Variants in RAD51B observed in about 807,000 individuals in gnomAD.
RAD51B encodes RAD51 paralog B.
In RAD51B, 38 loss-of-function variants were observed where a neutral mutation model predicts 42.2. That is an observed-to-expected ratio of 0.90 (90% CI 0.70 to 1.18). RAD51B has a LOEUF of 1.18. Ranked by LOEUF, RAD51B falls within the 50% of genes most tolerant of loss-of-function variation. The pLI is 0.00. For missense variants in RAD51B, 373 were observed against 400.7 expected, an observed-to-expected ratio of 0.93 and a Z score of 0.59; for synonymous variants, 154 against 145.2, an observed-to-expected ratio of 1.06 and a Z score of -0.43.
intron 9 of RAD51B, among the ~76,000 whole-genome samples, chr14:68,437,315 G>A (rs1413802368): frequency 2.6e-5 from 4 of 152,092 alleles, no homozygotes; most frequent in Non-Finnish European, 5.9e-5. Flanking sequence ...CATAAATATC[G>A]ATTTGCATAT....
intron 7 of RAD51B, among the ~76,000 whole-genome samples, chr14:68,213,747 C>T (rs1221140659): frequency 1.3e-5 from 2 of 151,962 alleles, no homozygotes; most frequent in Non-Finnish European, 2.9e-5. Context: ...TTAAGGGGGT[C>T]CTTGACCATT....
chr14:68,648,147 A>G (rs1369999873), intron 10 of RAD51B, among the ~76,000 whole-genome samples: 3 of 83,158 alleles, frequency 3.6e-5, no homozygotes, highest in Non-Finnish European at 5.3e-5. Context: ...ATATATATAT[A>G]CACACACGTA....
At chr14:68,476,456 A>G (rs1164516606) in intron 10 of RAD51B, among the ~76,000 whole-genome samples, 2 of 152,256 alleles carry the variant, frequency 1.3e-5, no homozygotes, top group African/African-American at 4.8e-5. Context: ...TTGAGAGTCA[A>G]GAGTTCAGAT....
In RAD51B at chr14:67,960,806, C is replaced by A. The variant is rs920681973; in HGVS notation, c.756+73602C>A. ...ACCTCTGCCTCCCAAGTAGCTGGAA[C>A]AACAGGCACCTGCCTTTATGCCTGG... is the stretch of plus-strand genomic sequence containing the variant. On this transcript the variant is annotated intron_variant, in intron 7 of 10. Transcript: ENST00000471583. Among the ~76,000 whole-genome samples the A allele has an allele frequency of 3.3e-5, 5 of 151,974 alleles. No individual in the cohort carries two copies. In the East Asian group the frequency reaches 5.8e-4, roughly 18 times the overall value.
chr14:68,581,154 T>A (rs1002550949), intron 10 of RAD51B, among the ~76,000 whole-genome samples: 2 of 152,110 alleles, frequency 1.3e-5, no homozygotes, highest in African/African-American at 4.8e-5. Context: ...GCATTCAAAG[T>A]AAAGATGGTC....
At chr14:68,140,149 T>G (rs556612285) in intron 7 of RAD51B, among the ~76,000 whole-genome samples, 1 of 152,176 alleles carries the variant, frequency 6.6e-6, no homozygotes, top group South Asian at 2.1e-4. Flanking sequence ...GATAATCAGA[T>G]CAGTTTATAA....
chr14:68,374,887 A>C (rs2083334781), intron 8 of RAD51B, among the ~76,000 whole-genome samples: 1 of 151,592 alleles, frequency 6.6e-6, no homozygotes. Context: ...ATCTGAATGC[A>C]CAGTCCCATG....
intron 9 of RAD51B, among the ~76,000 whole-genome samples, chr14:68,412,461 A>G (rs2084445647): frequency 6.6e-6 from 1 of 152,216 alleles, no homozygotes; most frequent in African/African-American, 2.4e-5. Flanking sequence ...AAATGGCAGA[A>G]AAGCTGTTGT....
At chr14:68,319,422 T>C (rs759493180) in intron 8 of RAD51B, among the ~76,000 whole-genome samples, 13 of 152,218 alleles carry the variant, frequency 8.5e-5, no homozygotes, top group South Asian at 6.2e-4. Context: ...ATAAAAAAAC[T>C]GTCCAAGGAG....
chr14:68,159,979 A>C (rs897986870), intron 7 of RAD51B, among the ~76,000 whole-genome samples: 3 of 152,156 alleles, frequency 2.0e-5, no homozygotes, highest in African/African-American at 7.2e-5. Context: ...ACAACAGAAA[A>C]CTGCCGACTT....
At chr14:68,393,421 G>C (rs926777390) in intron 8 of RAD51B, among the ~76,000 whole-genome samples, 1 of 152,206 alleles carries the variant, frequency 6.6e-6, no homozygotes, top group Non-Finnish European at 1.5e-5. Flanking sequence ...TCATACTGAG[G>C]CTGTGTTATG....
At chr14:68,387,313 A>C (rs1804715596) in intron 8 of RAD51B, 1 of 152,238 alleles carries the variant, frequency 6.6e-6, no homozygotes, top group Admixed American at 6.5e-5. Context: ...CAGAATTTAC[A>C]GCTAAAATGC....
intron 7 of RAD51B, among the ~76,000 whole-genome samples, chr14:68,260,069 A>C (rs777351694): frequency 1.3e-5 from 2 of 151,772 alleles, no homozygotes; most frequent in African/African-American, 2.4e-5. Flanking sequence ...GGAAAGTGAT[A>C]ATGGGGGGGT....
chr14:68,051,999 G>C (rs1363573770), intron 7 of RAD51B, among the ~76,000 whole-genome samples: 2 of 152,068 alleles, frequency 1.3e-5, no homozygotes, highest in Non-Finnish European at 2.9e-5. Context: ...AAGGCATTTT[G>C]ACATGTAAAT....
At chr14:68,165,468 G>A (rs2078730641) in intron 7 of RAD51B, among the ~76,000 whole-genome samples, 1 of 152,100 alleles carries the variant, frequency 6.6e-6, no homozygotes, top group African/African-American at 2.4e-5. Flanking sequence ...GGAAGACAGT[G>A]GCTGGTAGGC....
chr14:68,269,900 A>G (rs2081071944), intron 7 of RAD51B, among the ~76,000 whole-genome samples: 1 of 152,208 alleles, frequency 6.6e-6, no homozygotes, highest in Non-Finnish European at 1.5e-5. Context: ...GTAGTGGAAC[A>G]CAGGCCTTGG....
intron 7 of RAD51B, among the ~76,000 whole-genome samples, chr14:68,165,521 A>G (rs1282777385): frequency 6.6e-6 from 1 of 152,148 alleles, no homozygotes; most frequent in Non-Finnish European, 1.5e-5. Flanking sequence ...CCTCTTGGGT[A>G]AAGAGTTTTA....
At chr14:68,129,023 T>G (rs942085826) in intron 7 of RAD51B, among the ~76,000 whole-genome samples, 7 of 152,218 alleles carry the variant, frequency 4.6e-5, no homozygotes, top group Admixed American at 1.3e-4. Flanking sequence ...GCACTGGTCT[T>G]GCTTCTGGAA....
intron 11 of RAD51B, among the ~76,000 whole-genome samples, chr14:68,653,342 C>T (rs577716064): frequency 6.6e-6 from 1 of 152,066 alleles, no homozygotes; most frequent in Non-Finnish European, 1.5e-5. Context: ...GCATGGCACC[C>T]CAGCCTGGGC....
Sources: gnomAD v4.1 joint callset for allele counts (sites outside exome capture counted in the v4.1 genomes callset) on GRCh38, gnomAD v4.1.1 for gene constraint, MANE v1.5 for transcripts, NCBI Gene and HGNC (gene_info 2026-07-23, HGNC 2026-07-21) for gene names.